The following ITSN1 variants were observed in gnomAD, a reference collection of about 807,000 sequenced individuals.
The protein encoded by ITSN1 is intersectin 1, also known as intersectin-1.
ITSN1 carries 58 observed loss-of-function variants against 239.8 expected under a neutral mutation model. That is an observed-to-expected ratio of 0.24 (90% confidence interval 0.20 to 0.30). ITSN1 has a LOEUF of 0.30. ITSN1 is among the 10% of genes least tolerant of loss of function. The pLI, the probability that ITSN1 is intolerant of heterozygous loss-of-function variation, is 1.00. For synonymous variants in ITSN1, 780 were observed against 770.8 expected, an observed-to-expected ratio of 1.01 and a Z score of -0.20; for missense variants, 1,558 against 2,103.3, an observed-to-expected ratio of 0.74 and a Z score of 5.07.
chr21:33,651,427 T>C (rs2088524146), intron 1 of ITSN1, among the ~76,000 whole-genome samples: 1 of 152,240 alleles, frequency 6.6e-6, no homozygotes, highest in Non-Finnish European at 1.5e-5. Flanking sequence ...GCCTTCTGCT[T>C]TATCTTTGTG....
Position 33,858,913 on chromosome 21 carries a change from T to C in ITSN1, c.3890+121T>C, listed in dbSNP as rs1979903740. On this transcript the variant is annotated intron_variant, in intron 31 of 39. Transcript: ENST00000381318. ...CTGTGCTTCTTTCTGGCTTTTTTTT[T>C]TTCTTCTCATTGCCACTCACAAACA... is the stretch of plus-strand genomic sequence containing the variant. 1.3e-5 allele frequency: 7 copies of C among 537,556 alleles called. No homozygotes were observed. In the South Asian group the frequency reaches 2.2e-4, roughly 17 times the overall value. 33.3% of individuals were successfully genotyped at this position (537,556 alleles called of 1,614,324 possible).
At chr21:33,678,371 CTTTA>C (rs941990615) in intron 1 of ITSN1, among the ~76,000 whole-genome samples, 1 of 152,154 alleles carries the variant, frequency 6.6e-6, no homozygotes, top group Non-Finnish European at 1.5e-5. Flanking sequence ...AAATGATCTT[CTTTA>C]TTTGTTTACT....
chr21:33,862,759 C>T (rs532128007), intron 31 of ITSN1, among the ~76,000 whole-genome samples: 1 of 152,282 alleles, frequency 6.6e-6, no homozygotes, highest in East Asian at 1.9e-4. Flanking sequence ...CCTATTAGCT[C>T]TGAGACTTGG....
intron 17 of ITSN1, among the ~76,000 whole-genome samples, chr21:33,795,826 C>CAT (rs944767013): frequency 9.3e-5 from 14 of 150,982 alleles, no homozygotes; most frequent in Non-Finnish European, 2.1e-4. Flanking sequence ...CAGAAAATAG[C>CAT]ATAAAAATAT....
chr21:33,833,827 G>A (rs1199591687), intron 27 of ITSN1, among the ~76,000 whole-genome samples: 13 of 150,380 alleles, frequency 8.6e-5, no homozygotes, highest in African/African-American at 1.7e-4. Context: ...AGCCGAGATC[G>A]TGCCACTGCA....
At chr21:33,874,322 C>A (rs1013078589) in intron 33 of ITSN1, among the ~76,000 whole-genome samples, 2 of 152,098 alleles carry the variant, frequency 1.3e-5, no homozygotes, top group Non-Finnish European at 2.9e-5. Context: ...CTCTGATGCA[C>A]CCGTCTGCAT....
intron 29 of ITSN1, among the ~76,000 whole-genome samples, chr21:33,849,420 G>A (rs976553459): frequency 6.6e-6 from 1 of 151,926 alleles, no homozygotes; most frequent in African/African-American, 2.4e-5. Flanking sequence ...AGAAATATTA[G>A]CTGGGCGTGG....
chr21:33,738,722 C>T (rs1428108459), intron 5 of ITSN1, among the ~76,000 whole-genome samples: 1 of 152,056 alleles, frequency 6.6e-6, no homozygotes, highest in East Asian at 1.9e-4. Context: ...TTTAAAATTA[C>T]CTTCTCCGTG....
chr21:33,706,495 C>T (rs1429305451), intron 1 of ITSN1, among the ~76,000 whole-genome samples: 2 of 150,866 alleles, frequency 1.3e-5, no homozygotes, highest in South Asian at 2.1e-4. Context: ...AAAAAAAACA[C>T]TGGATATATT....
chr21:33,753,775 A>C, intron 7 of ITSN1, among the ~76,000 whole-genome samples: 1 of 150,950 alleles, frequency 6.6e-6, no homozygotes, highest in African/African-American at 2.4e-5. Flanking sequence ...AAAAAAAAAA[A>C]AAAAAAAAAA....
intron 20 of ITSN1, among the ~76,000 whole-genome samples, chr21:33,807,870 C>G (rs1366154992): frequency 2.6e-5 from 4 of 152,194 alleles, no homozygotes; most frequent in African/African-American, 9.6e-5. Context: ...CAGATTGTTA[C>G]CTAGAGTGAA....
chr21:33,877,825 T>TTGTGTGTGTG (rs3835379), intron 34 of ITSN1, among the ~76,000 whole-genome samples: 3 of 147,324 alleles, frequency 2.0e-5, no homozygotes, highest in South Asian at 2.2e-4. Context: ...TGTTTCTATT[T>TTGTGTGTGTG]TGTGTGTGTG....
chr21:33,833,378 A>G (rs1005006089), intron 27 of ITSN1, among the ~76,000 whole-genome samples: 2 of 152,200 alleles, frequency 1.3e-5, no homozygotes, highest in African/African-American at 4.8e-5. Context: ...TGTGTACTGC[A>G]TGTATGTCAT....
At chr21:33,659,140 T>C (rs150716433) in intron 1 of ITSN1, among the ~76,000 whole-genome samples, 220 of 152,304 alleles carry the variant, frequency 1.4e-3, no homozygotes, top group African/African-American at 5.0e-3. Flanking sequence ...ATCATGCCTA[T>C]GCAATGAAAT....
Position 33,644,429 on chromosome 21 carries a change from T to A in ITSN1, c.-33+1716T>A, listed in dbSNP as rs568195364. On this transcript the variant is annotated intron_variant, in intron 1 of 39. Transcript: ENST00000381318. Reference sequence around the variant, plus strand: ...CATTTCTGATAGTATGATCTTTTTTTAAAAAAATGGTATTTCTTTATCTAG... The same window carrying A: ...CATTTCTGATAGTATGATCTTTTTTAAAAAAAATGGTATTTCTTTATCTAG... Among the ~76,000 whole-genome samples, 5 of 152,224 alleles carry A rather than the reference T, an allele frequency of 3.3e-5. No individual in the cohort carries two copies. The East Asian group carries it at 5.8e-4, about 18-fold the overall frequency.
chr21:33,693,084 C>T (rs1245866244), intron 1 of ITSN1, among the ~76,000 whole-genome samples: 2 of 152,114 alleles, frequency 1.3e-5, no homozygotes, highest in Admixed American at 6.6e-5. Context: ...GCATGAGCCA[C>T]CGCGCCCAGC....
rs1470211581 is a variant in ITSN1 at position 33,799,866 on chromosome 21, A to G, written c.2241A>G (p.Ala747=). 1 of 1,613,878 alleles carries G rather than the reference A, an allele frequency of 6.2e-7. No individual in the cohort carries two copies. The highest frequency in any genetic ancestry group is 8.5e-7 in the Non-Finnish European group (1 of 1,179,934). Residue 747 remains alanine, a synonymous_variant, in exon 19 of 40, where the codon GCA becomes GCG. Coordinates refer to ENST00000381318, the MANE Select transcript of ITSN1 (RefSeq NM_003024.3). ...QENVKVVYYR[A]LYPFESRSHD... ...ATGTAAAAGTGGTGTATTACCGGGC[A>G]CTGTACCCCTTTGAATCCAGAAGCC...
At position 33,898,226 on chromosome 21, in the gene ITSN1, G is replaced by T. The variant is rs1414008250; in HGVS notation, c.*9926G>T. The T allele has an allele frequency of 6.6e-6, 1 of 152,178 alleles. No homozygotes were observed. The highest frequency in any genetic ancestry group is 2.4e-5 in the African/African-American group (1 of 41,422). The allele number at this position is 152,178 out of a possible 1,614,324, so 9.4% of individuals were successfully genotyped here. On this transcript the variant is annotated 3_prime_UTR_variant, in exon 40 of 40. Transcript: ENST00000381318. ...GGTCGCCCTTTCTACTTCTGTATCTGGATTGATTCAGTTTATCCCTAATTA... is the reference window on the plus strand; with the variant it reads ...GGTCGCCCTTTCTACTTCTGTATCTTGATTGATTCAGTTTATCCCTAATTA...
At chr21:33,752,451 T>G (rs1272601524) in intron 7 of ITSN1, among the ~76,000 whole-genome samples, 1 of 152,228 alleles carries the variant, frequency 6.6e-6, no homozygotes, top group African/African-American at 2.4e-5. Context: ...TCAATTTTAT[T>G]AAAGCTGACA....
Sources: gnomAD v4.1 joint callset for allele counts (sites outside exome capture counted in the v4.1 genomes callset) on GRCh38, gnomAD v4.1.1 for gene constraint, MANE v1.5 for transcripts, NCBI Gene and HGNC (gene_info 2026-07-23, HGNC 2026-07-21) for gene names.